Variants in DPP10 observed in about 807,000 individuals in gnomAD.
DPP10 encodes the protein dipeptidyl peptidase like 10.
In DPP10, 33 loss-of-function variants were observed where a neutral mutation model predicts 120.9. The observed-to-expected ratio is 0.27, with a 90% confidence interval of 0.21 to 0.37. The LOEUF (loss-of-function observed/expected upper bound fraction) is 0.37. Ranked by LOEUF, DPP10 falls within the 10% of genes least tolerant of loss-of-function variation. The pLI, the probability that DPP10 is intolerant of heterozygous loss-of-function variation, is 1.00. For synonymous variants in DPP10, 337 were observed against 326.1 expected, an observed-to-expected ratio of 1.03 and a Z score of -0.36; for missense variants, 816 against 942.8, an observed-to-expected ratio of 0.87 and a Z score of 1.76.
chr2:115,724,667 G>C (rs986265822), intron 7 of DPP10, among the ~76,000 whole-genome samples: 1 of 152,114 alleles, frequency 6.6e-6, no homozygotes, highest in Non-Finnish European at 1.5e-5. Flanking sequence ...TATTTGTTGT[G>C]CTGCTTAGGT....
At chr2:115,706,170 T>G (rs1194803990) in intron 7 of DPP10, among the ~76,000 whole-genome samples, 2 of 151,998 alleles carry the variant, frequency 1.3e-5, no homozygotes, top group Non-Finnish European at 2.9e-5. Context: ...GGGACAAATA[T>G]GCAATTATGT....
chr2:115,170,038 C>T (rs1156558154), intron 1 of DPP10, among the ~76,000 whole-genome samples: 1 of 152,108 alleles, frequency 6.6e-6, no homozygotes, highest in Non-Finnish European at 1.5e-5. Flanking sequence ...GCAGGCTGCC[C>T]TGTGATTTAT....
chr2:115,477,984 A>C (rs556535902), intron 3 of DPP10, among the ~76,000 whole-genome samples: 7 of 152,178 alleles, frequency 4.6e-5, no homozygotes, highest in African/African-American at 1.7e-4. Context: ...GCAGGAGCAC[A>C]AGAGTAGGGG....
chr2:115,307,774 T>C (rs1175690550), intron 1 of DPP10, among the ~76,000 whole-genome samples: 1 of 152,032 alleles, frequency 6.6e-6, no homozygotes, highest in Non-Finnish European at 1.5e-5. Flanking sequence ...CAGATAAGGG[T>C]TTATGGTCAC....
At chr2:114,790,850 C>T (rs980631295) in intron 1 of DPP10, among the ~76,000 whole-genome samples, 1 of 152,196 alleles carries the variant, frequency 6.6e-6, no homozygotes, top group Non-Finnish European at 1.5e-5. Flanking sequence ...TCTTCAGTTA[C>T]TTCAGGCCAT....
chr2:115,559,189 TG>T (rs2080411410), intron 5 of DPP10, among the ~76,000 whole-genome samples: 2 of 152,360 alleles, frequency 1.3e-5, no homozygotes, highest in South Asian at 4.1e-4. Context: ...ATCATTTTTG[TG>T]TCATTCAGCC....
intron 1 of DPP10, among the ~76,000 whole-genome samples, chr2:114,577,343 G>A (rs910087106): frequency 6.6e-6 from 1 of 152,120 alleles, no homozygotes; most frequent in African/African-American, 2.4e-5. Flanking sequence ...GTTTGTTTGC[G>A]AGTTCCCTTG....
intron 1 of DPP10, among the ~76,000 whole-genome samples, chr2:115,148,216 C>CA (rs2051338284): frequency 6.6e-6 from 1 of 152,076 alleles, no homozygotes. Flanking sequence ...AGAGTGGGCT[C>CA]AGATCAGGAC....
intron 1 of DPP10, among the ~76,000 whole-genome samples, chr2:114,849,469 C>A (rs192336748): frequency 2.6e-5 from 4 of 152,182 alleles, no homozygotes; most frequent in African/African-American, 9.6e-5. Context: ...CCTGCTTCAG[C>A]CCCCTGTGTA....
chr2:115,656,647 A>T (rs911109274), intron 5 of DPP10, among the ~76,000 whole-genome samples: 1 of 151,726 alleles, frequency 6.6e-6, no homozygotes, highest in Non-Finnish European at 1.5e-5. Flanking sequence ...GATAATGTAG[A>T]CTGTTATGAA....
chr2:115,605,129 T>G (rs1432282970), intron 5 of DPP10, among the ~76,000 whole-genome samples: 1 of 152,122 alleles, frequency 6.6e-6, no homozygotes, highest in Admixed American at 6.5e-5. Context: ...GGAATACCTT[T>G]ACAAAATAAA....
chr2:114,484,731 A>C (rs1458990881), intron 1 of DPP10, among the ~76,000 whole-genome samples: 1 of 152,116 alleles, frequency 6.6e-6, no homozygotes, highest in South Asian at 2.1e-4. Flanking sequence ...GGTGATTCAT[A>C]TAGTGTTCAT....
chr2:114,854,926 C>T (rs1689255914), intron 1 of DPP10, among the ~76,000 whole-genome samples: 1 of 152,148 alleles, frequency 6.6e-6, no homozygotes, highest in Non-Finnish European at 1.5e-5. Flanking sequence ...AACCTTGTCT[C>T]AACCTACAAA....
At chr2:115,359,904 T>C (rs2064658195) in intron 3 of DPP10, among the ~76,000 whole-genome samples, 1 of 152,158 alleles carries the variant, frequency 6.6e-6, no homozygotes, top group African/African-American at 2.4e-5. Context: ...CTATTCTATT[T>C]TTAATGCTTC....
intron 5 of DPP10, among the ~76,000 whole-genome samples, chr2:115,538,384 T>C (rs2078989963): frequency 6.6e-6 from 1 of 152,000 alleles, no homozygotes. Flanking sequence ...TTATGTATTA[T>C]TAATATTTTC....
intron 3 of DPP10, among the ~76,000 whole-genome samples, chr2:115,430,373 T>A (rs989278445): frequency 2.0e-5 from 3 of 152,180 alleles, no homozygotes; most frequent in African/African-American, 4.8e-5. Context: ...ATCTTCATAA[T>A]GTAACATTAT....
At chr2:115,209,346 C>G (rs966619223) in intron 1 of DPP10, among the ~76,000 whole-genome samples, 5 of 151,922 alleles carry the variant, frequency 3.3e-5, no homozygotes, top group African/African-American at 1.2e-4. Flanking sequence ...TCTTTCATTC[C>G]TTAGTTGTTT....
chr2:115,433,407 T>C (rs2030441), intron 3 of DPP10, among the ~76,000 whole-genome samples: 78,829 of 151,790 alleles, frequency 0.52, 21,528 homozygotes, highest in Non-Finnish European at 0.62. Flanking sequence ...CTTTAGCTAT[T>C]TGTGTGTATG....
At chr2:115,121,757 G>T (rs1334572830) in intron 1 of DPP10, among the ~76,000 whole-genome samples, 3 of 152,160 alleles carry the variant, frequency 2.0e-5, no homozygotes, top group Admixed American at 6.5e-5. Context: ...CCTCCTGTTT[G>T]TGCATTTCTC....
Sources: gnomAD v4.1 joint callset for allele counts (sites outside exome capture counted in the v4.1 genomes callset) on GRCh38, gnomAD v4.1.1 for gene constraint, MANE v1.5 for transcripts, NCBI Gene and HGNC (gene_info 2026-07-23, HGNC 2026-07-21) for gene names.